Variants in PRICKLE2 observed in about 807,000 individuals in gnomAD.
PRICKLE2 encodes prickle planar cell polarity protein 2.
PRICKLE2 carries 21 observed loss-of-function variants against 81.4 expected under a neutral mutation model. That is an observed-to-expected ratio of 0.26 (90% confidence interval 0.18 to 0.37). The LOEUF is 0.37. Ranked by LOEUF, PRICKLE2 falls within the 10% of genes least tolerant of loss-of-function variation. The probability of loss-of-function intolerance (pLI) is 1.00; values close to 1 mark genes in which losing one functional copy is unlikely to be tolerated. For missense variants in PRICKLE2, 940 were observed against 1,109.0 expected, an observed-to-expected ratio of 0.85 and a Z score of 2.16; for synonymous variants, 456 against 421.5, an observed-to-expected ratio of 1.08 and a Z score of -1.00.
At chr3:64,208,964 A>C (rs1003156884) in intron 1 of PRICKLE2, among the ~76,000 whole-genome samples, 18 of 151,828 alleles carry the variant, frequency 1.2e-4, no homozygotes, top group African/African-American at 4.4e-4. Context: ...ACATACATCC[A>C]TATCTATCCA....
At chr3:64,197,600 G>A (rs2078481110) in intron 2 of PRICKLE2, among the ~76,000 whole-genome samples, 1 of 152,148 alleles carries the variant, frequency 6.6e-6, no homozygotes, top group Non-Finnish European at 1.5e-5. Context: ...AACTAATGGA[G>A]AAACAAAACC....
intron 2 of PRICKLE2, among the ~76,000 whole-genome samples, chr3:64,167,815 A>G (rs1215938608): frequency 6.6e-6 from 1 of 152,232 alleles, no homozygotes; most frequent in Non-Finnish European, 1.5e-5. Context: ...AAGGCCTGTT[A>G]AAACACAGAT....
intron 2 of PRICKLE2, among the ~76,000 whole-genome samples, chr3:64,183,745 A>C (rs2078174099): frequency 6.6e-6 from 1 of 152,250 alleles, no homozygotes; most frequent in African/African-American, 2.4e-5. Context: ...ACATCTTTAC[A>C]ATCCAAATGG....
chr3:64,143,516 C>T (rs1351873347), intron 7 of PRICKLE2, among the ~76,000 whole-genome samples: 2 of 152,162 alleles, frequency 1.3e-5, no homozygotes, highest in Admixed American at 1.3e-4. Flanking sequence ...CTCACTTGCC[C>T]TTTCCAGCAT....
chr3:64,105,837 CT>C (rs1194838480), intron 7 of PRICKLE2: 1 of 152,178 alleles, frequency 6.6e-6, no homozygotes, highest in African/African-American at 2.4e-5. Flanking sequence ...GGCTGGGTGA[CT>C]TGGGGAAATT....
At chr3:64,160,224 G>C (rs1172380295) in intron 3 of PRICKLE2, 147 bp from the exon 4 acceptor site, 3 of 836,874 alleles carry the variant, frequency 3.6e-6, no homozygotes, top group Non-Finnish European at 5.9e-6. Flanking sequence ...GCCTTGGAGA[G>C]ATTTAAGGTG....
intron 2 of PRICKLE2, among the ~76,000 whole-genome samples, chr3:64,237,529 T>G (rs927032703): frequency 6.6e-6 from 1 of 152,096 alleles, no homozygotes; most frequent in Admixed American, 6.5e-5. Flanking sequence ...TCTTCTCTCC[T>G]TTCCTGCCAC....
chr3:64,183,979 T>C (rs974596066), intron 2 of PRICKLE2, among the ~76,000 whole-genome samples: 3 of 152,234 alleles, frequency 2.0e-5, no homozygotes, highest in Non-Finnish European at 4.4e-5. Flanking sequence ...GCAAGTCATG[T>C]ACGTTCTCTG....
intron 1 of PRICKLE2, among the ~76,000 whole-genome samples, chr3:64,216,193 T>G (rs1415537801): frequency 6.6e-6 from 1 of 152,248 alleles, no homozygotes; most frequent in Non-Finnish European, 1.5e-5. Context: ...TTTCTCTGGA[T>G]GAGTTTACAA....
chr3:64,235,773 G>A (rs1421355750), intron 2 of PRICKLE2, among the ~76,000 whole-genome samples: 1 of 152,222 alleles, frequency 6.6e-6, no homozygotes, highest in Non-Finnish European at 1.5e-5. Context: ...GATGAAAGCT[G>A]GGTTCCTTTG....
chr3:64,224,571 C>T (rs527688217), intron 1 of PRICKLE2, among the ~76,000 whole-genome samples: 4 of 152,234 alleles, frequency 2.6e-5, no homozygotes, highest in Non-Finnish European at 4.4e-5. Context: ...TGTACATGAA[C>T]GCTATCAGGT....
Position 64,146,874 on chromosome 3 carries a change from G to A in PRICKLE2, c.1616C>T (p.Thr539Ile). 6.2e-7 allele frequency: 1 copy of A among 1,614,180 alleles called. No individual in the cohort carries two copies. Among genetic ancestry groups the A allele is most frequent in the South Asian group, 1.1e-5 (1 of 91,078 alleles). Residue 539 changes from threonine to isoleucine, a missense_variant, in exon 7 of 8, where the codon ACC becomes ATC. By Grantham distance (89) the Thr-to-Ile change is moderately conservative. This residue lies in a region of PRICKLE2 where 670 missense variants were observed against 717.2 expected (regional missense o/e 0.93). Transcript: ENST00000638394. ...YTEDMTPTEQ[T>I]PRGSMESLAL... ...CAGGGATTCCATGGAGCCCCGAGGG[G>A]TCTGCTCTGTGGGCGTCATGTCCTC... is the stretch of plus-strand genomic sequence containing the variant.
At chr3:64,120,930 A>C (rs139024891) in intron 7 of PRICKLE2, among the ~76,000 whole-genome samples, 23 of 152,306 alleles carry the variant, frequency 1.5e-4, no homozygotes, top group African/African-American at 5.0e-4. Context: ...CTCTGCCAAC[A>C]AACAACAAAG....
rs1325157110 is a variant in PRICKLE2, at chr3:64,119,580, G to A, written c.1661-19655C>T. Among the ~76,000 whole-genome samples, 4 of 152,280 alleles carry A rather than the reference G, an allele frequency of 2.6e-5. No individual in the cohort carries two copies. The East Asian group carries it at 7.7e-4, about 29-fold the overall frequency. ...CAACAGATGCTGGTGAGGCTGTGGA[G>A]AAAAGAGAACACTTATGTACGATTG... On this transcript the variant is annotated intron_variant, in intron 7 of 7. Coordinates refer to ENST00000638394, the MANE Select transcript of PRICKLE2 (RefSeq NM_198859.4).
At chr3:64,267,322 A>G (rs913026432) in intron 2 of PRICKLE2, among the ~76,000 whole-genome samples, 13 of 152,156 alleles carry the variant, frequency 8.5e-5, no homozygotes, top group Non-Finnish European at 1.8e-4. Context: ...ACAAATCCAG[A>G]GTTGCTTCAT....
At chr3:64,263,336 A>G (rs1203949507) in intron 2 of PRICKLE2, among the ~76,000 whole-genome samples, 1 of 152,206 alleles carries the variant, frequency 6.6e-6, no homozygotes, top group Non-Finnish European at 1.5e-5. Context: ...GCTGAAGCTC[A>G]TGAGGTTAAG....
At chr3:64,108,403 G>A (rs1021574845) in intron 7 of PRICKLE2, among the ~76,000 whole-genome samples, 7 of 152,126 alleles carry the variant, frequency 4.6e-5, no homozygotes, top group African/African-American at 1.2e-4. Flanking sequence ...TCAACATCCC[G>A]AACTTCAAAT....
At chr3:64,245,755 C>T (rs2079340050) in intron 2 of PRICKLE2, among the ~76,000 whole-genome samples, 1 of 152,040 alleles carries the variant, frequency 6.6e-6, no homozygotes, top group South Asian at 2.1e-4. Context: ...AGCTGAAGAT[C>T]CAGGGTTTGA....
chr3:64,205,630 A>C (rs1045567358), intron 1 of PRICKLE2, among the ~76,000 whole-genome samples: 1 of 152,212 alleles, frequency 6.6e-6, no homozygotes, highest in Non-Finnish European at 1.5e-5. Context: ...CTTCCTTTAG[A>C]ACATGATTTT....
Sources: gnomAD v4.1 joint callset for allele counts (sites outside exome capture counted in the v4.1 genomes callset) on GRCh38, gnomAD v4.1.1 for gene constraint, gnomAD v4.1.1 regional missense constraint, MANE v1.5 for transcripts, NCBI Gene and HGNC (gene_info 2026-07-23, HGNC 2026-07-21) for gene names.